The following PSMD1 variants were observed in gnomAD, a reference collection of about 807,000 sequenced individuals.
PSMD1 encodes the protein proteasome 26S subunit, non-ATPase 1, also known as 26S proteasome non-ATPase regulatory subunit 1.
In PSMD1, 18 loss-of-function variants were observed where a neutral mutation model predicts 119.0. That is an observed-to-expected ratio of 0.15 (90% CI 0.10 to 0.22). PSMD1 has a LOEUF of 0.22. PSMD1 is among the 10% of genes least tolerant of loss of function. The pLI is 1.00. For missense variants in PSMD1, 702 were observed against 1,158.5 expected (o/e 0.61, Z 5.72); for synonymous variants, 374 against 396.6 (o/e 0.94, Z 0.68).
chr2:231,148,006 A>G (rs1161937760), intron 18 of PSMD1, among the ~76,000 whole-genome samples: 1 of 152,218 alleles, frequency 6.6e-6, no homozygotes, highest in Admixed American at 6.5e-5. Context: ...TTCTGTCTCA[A>G]AATCATTTTC....
intron 19 of PSMD1, among the ~76,000 whole-genome samples, chr2:231,154,061 C>T (rs781682697): frequency 5.9e-5 from 9 of 151,638 alleles, no homozygotes; most frequent in Non-Finnish European, 1.2e-4. Flanking sequence ...TGCAGTGAGT[C>T]GAGATCGCGC....
chr2:231,154,380 A>T (rs1696439366), intron 19 of PSMD1, among the ~76,000 whole-genome samples: 1 of 152,132 alleles, frequency 6.6e-6, no homozygotes, highest in African/African-American at 2.4e-5. Flanking sequence ...GTTGCAGTGA[A>T]CCGAGATTGC....
intron 16 of PSMD1, among the ~76,000 whole-genome samples, chr2:231,119,263 C>T (rs903810529): frequency 6.6e-6 from 1 of 152,178 alleles, no homozygotes; most frequent in Non-Finnish European, 1.5e-5. Context: ...TTTTCTCTTA[C>T]TGCTATACAT....
intron 5 of PSMD1, among the ~76,000 whole-genome samples, chr2:231,068,813 T>G (rs528050955): frequency 6.6e-6 from 1 of 152,296 alleles, no homozygotes; most frequent in African/African-American, 2.4e-5. Context: ...GTTGGCAATT[T>G]AGATATGCTA....
intron 18 of PSMD1, among the ~76,000 whole-genome samples, chr2:231,149,968 A>G (rs2125256926): frequency 6.6e-6 from 1 of 152,340 alleles, no homozygotes; most frequent in East Asian, 1.9e-4. Context: ...TGAGTTTGAC[A>G]TGACAGCATG....
rs571425316 is a variant in PSMD1 at position 231,121,830 on chromosome 2, C to T, written c.1884-16906C>T. Among the ~76,000 whole-genome samples the T allele has an allele frequency of 7.9e-5, 12 of 152,114 alleles. No homozygotes were observed. The South Asian group carries it at 1.5e-3, about 18-fold the overall frequency. ...TCTTTCAATATCATGTATTGAATGA[C>T]GTATTAAATTTTATGGTAGTCTGAA... is the stretch of plus-strand genomic sequence containing the variant. On this transcript the variant is annotated intron_variant, in intron 16 of 24. Transcript: ENST00000308696.
intron 12 of PSMD1, among the ~76,000 whole-genome samples, chr2:231,081,483 A>T (rs879896079): frequency 2.0e-5 from 3 of 152,244 alleles, no homozygotes; most frequent in Non-Finnish European, 2.9e-5. Context: ...ACAGGAACTA[A>T]TGAAATAGCC....
intron 15 of PSMD1, 83 bp downstream of exon 15, chr2:231,085,197 C>T: frequency 2.7e-6 from 3 of 1,132,054 alleles, no homozygotes; most frequent in African/African-American, 1.5e-5. Context: ...ACTCCAGCAT[C>T]CACAGCGCAT....
intron 16 of PSMD1, chr2:231,123,389 G>T (rs751143943): frequency 1.1e-5 from 17 of 1,513,418 alleles, no homozygotes; most frequent in African/African-American, 5.5e-5. Flanking sequence ...TGGTTTGATG[G>T]CACAAACAAA....
At chr2:231,098,487 ATC>A (rs1694780617) in intron 16 of PSMD1, among the ~76,000 whole-genome samples, 2 of 117,600 alleles carry the variant, frequency 1.7e-5, no homozygotes, top group African/African-American at 3.3e-5. Flanking sequence ...CTCTGTCTCT[ATC>A]TCTCTGACTC....
At chr2:231,084,778 A>C (rs1279535473) in intron 14 of PSMD1, among the ~76,000 whole-genome samples, 1 of 152,186 alleles carries the variant, frequency 6.6e-6, no homozygotes, top group African/African-American at 2.4e-5. Flanking sequence ...CTTCCTAAAA[A>C]GTATGAAGCA....
chr2:231,118,255 T>G (rs923161727), intron 16 of PSMD1, among the ~76,000 whole-genome samples: 4 of 152,130 alleles, frequency 2.6e-5, no homozygotes, highest in Non-Finnish European at 5.9e-5. Flanking sequence ...TTACTATTGT[T>G]TAACAGAAAC....
intron 16 of PSMD1, among the ~76,000 whole-genome samples, chr2:231,094,346 C>T (rs1694674505): frequency 6.6e-6 from 1 of 152,080 alleles, no homozygotes; most frequent in Non-Finnish European, 1.5e-5. Flanking sequence ...TCTGCTTGTT[C>T]ATTGCCATAA....
chr2:231,098,789 A>G (rs1473302706), intron 16 of PSMD1, among the ~76,000 whole-genome samples: 1 of 152,206 alleles, frequency 6.6e-6, no homozygotes, highest in Non-Finnish European at 1.5e-5. Context: ...CGTAAAGGTC[A>G]TCCAGTAGCA....
chr2:231,079,434 G>A (rs1694254238), intron 10 of PSMD1, 102 bp from the exon 11 acceptor site: 1 of 588,590 alleles, frequency 1.7e-6, no homozygotes, highest in East Asian at 3.0e-5. Context: ...TAATTTGGAA[G>A]GGTTCAAGGT....
At chr2:231,144,498 C>T (rs145241346) in intron 17 of PSMD1, among the ~76,000 whole-genome samples, 8 of 136,752 alleles carry the variant, frequency 5.9e-5, no homozygotes, top group East Asian at 2.3e-4. Flanking sequence ...ATGCTGATCA[C>T]GATCTCCTGA....
chr2:231,138,797 C>T lies in PSMD1; in HGVS notation c.1945C>T (p.Arg649Cys), dbSNP rs148049341. Residue 649 changes from arginine (R) to cysteine (C), a missense_variant, in exon 17 of 25, where the codon CGC (arginine) becomes TGC (cysteine). Physicochemically the swap from Arg to Cys is radical, Grantham distance 180. Coordinates refer to ENST00000308696, the MANE Select transcript of PSMD1 (RefSeq NM_002807.4). ...GTCAGAGAGTTACAACCCTCATGTGCGCTACGGAGCTGCAATGGCCTTGGG... is the reference window on the plus strand; with the variant it reads ...GTCAGAGAGTTACAACCCTCATGTGTGCTACGGAGCTGCAATGGCCTTGGG... ...LLSESYNPHV[R>C]YGAAMALGIC... 1.9e-6 allele frequency: 3 copies of T among 1,613,994 alleles called. No homozygotes were observed. Among genetic ancestry groups the T allele is most frequent in the African/African-American group, 1.3e-5 (1 of 74,900 alleles).
At chr2:231,120,043 C>T (rs1417674468) in intron 16 of PSMD1, among the ~76,000 whole-genome samples, 1 of 151,166 alleles carries the variant, frequency 6.6e-6, no homozygotes, top group Non-Finnish European at 1.5e-5. Flanking sequence ...ACTCTGTCTT[C>T]CGGGTTCAAG....
At chr2:231,126,404 G>A (rs1037562769) in intron 16 of PSMD1, among the ~76,000 whole-genome samples, 9 of 151,868 alleles carry the variant, frequency 5.9e-5, no homozygotes, top group East Asian at 1.9e-4. Context: ...ACACCACTGC[G>A]CTCCAGCTTG....
Sources: gnomAD v4.1 joint callset for allele counts (sites outside exome capture counted in the v4.1 genomes callset) on GRCh38, gnomAD v4.1.1 for gene constraint, MANE v1.5 for transcripts, NCBI Gene and HGNC (gene_info 2026-07-23, HGNC 2026-07-21) for gene names.